The following PAPPA2 variants were observed in gnomAD, a reference collection of about 807,000 sequenced individuals.
PAPPA2 encodes the protein pappalysin-2.
PAPPA2 carries 86 observed loss-of-function variants against 176.4 expected under a neutral mutation model. The ratio of observed to expected loss-of-function variants is 0.49; its 90% CI spans 0.41 to 0.58. The LOEUF is 0.58. Ranked by LOEUF, PAPPA2 falls within the 20% of genes least tolerant of loss-of-function variation. The probability of loss-of-function intolerance (pLI) is 0.00; values close to 1 mark genes in which losing one functional copy is unlikely to be tolerated. For missense variants in PAPPA2, 2,073 were observed against 2,256.9 expected (o/e 0.92, Z 1.65); for synonymous variants, 809 against 852.2 (o/e 0.95, Z 0.88).
intron 7 of PAPPA2, 147 bp from the exon 8 acceptor site, chr1:176,698,953 C>A: frequency 1.0e-6 from 1 of 997,394 alleles, no homozygotes; most frequent in Non-Finnish European, 1.5e-6. Flanking sequence ...CTTACTAGTA[C>A]TTAAGATCTA....
In PAPPA2 at chr1:176,565,052, C is replaced by A. The variant is rs1249022577; in HGVS notation, c.919+7811C>A. On this transcript the variant is annotated intron_variant, in intron 2 of 22. Transcript: ENST00000367662. Reference sequence around the variant, plus strand: ...TGGAATGTATCATACAATGTATGATCTTTTGTGGCTGGCTTCTTTCACTTG... The same window carrying A: ...TGGAATGTATCATACAATGTATGATATTTTGTGGCTGGCTTCTTTCACTTG... Among the ~76,000 whole-genome samples, 4 of 152,146 alleles carry A rather than the reference C, an allele frequency of 2.6e-5. No homozygotes were observed. In the East Asian group the frequency reaches 5.8e-4, roughly 22 times the overall value.
intron 1 of PAPPA2, among the ~76,000 whole-genome samples, chr1:176,485,250 T>G (rs1170265732): frequency 6.6e-6 from 1 of 152,186 alleles, no homozygotes; most frequent in Non-Finnish European, 1.5e-5. Context: ...TCCATCTCAC[T>G]CAGAGTAAAA....
chr1:176,522,835 A>G (rs1363322494), intron 1 of PAPPA2, among the ~76,000 whole-genome samples: 1 of 152,164 alleles, frequency 6.6e-6, no homozygotes, highest in Non-Finnish European at 1.5e-5. Context: ...TCCAACACAG[A>G]GGATCTGCCA....
chr1:176,720,713 A>G (rs559012194), intron 12 of PAPPA2, among the ~76,000 whole-genome samples: 25 of 152,188 alleles, frequency 1.6e-4, no homozygotes, highest in South Asian at 6.2e-4. Context: ...GGTTCACACA[A>G]TTAAGTCTCA....
chr1:176,647,497 C>T (rs550434717), intron 3 of PAPPA2, among the ~76,000 whole-genome samples: 2 of 151,308 alleles, frequency 1.3e-5, no homozygotes, highest in East Asian at 3.9e-4. Context: ...CAGTCCAATG[C>T]CATGAAAAAT....
intron 2 of PAPPA2, among the ~76,000 whole-genome samples, chr1:176,571,766 A>G (rs12139548): frequency 6.6e-6 from 1 of 152,200 alleles, no homozygotes; most frequent in African/African-American, 2.4e-5. Context: ...TCAACTAACT[A>G]TAATATTTTA....
In PAPPA2 at chr1:176,569,655, G is replaced by C. The variant is rs578250205; in HGVS notation, c.919+12414G>C. Among the ~76,000 whole-genome samples, 194 of 152,336 alleles carry C rather than the reference G, an allele frequency of 1.3e-3. 1 individual carries two copies. Among genetic ancestry groups the C allele is most frequent in the African/African-American group, 4.3e-3 (177 of 41,574 alleles). On this transcript the variant is annotated intron_variant, in intron 2 of 22. Coordinates refer to ENST00000367662, the MANE Select transcript of PAPPA2 (RefSeq NM_020318.3). The stretch of plus-strand genomic sequence containing the variant: ...GCCCAGTCATTTCTATTCTAGGCTA[G>C]CTCCCACTGGGCTGTAAGCTGTCTG...
chr1:176,529,639 C>T (rs1649695928), intron 1 of PAPPA2, among the ~76,000 whole-genome samples: 2 of 152,230 alleles, frequency 1.3e-5, no homozygotes, highest in South Asian at 4.1e-4. Context: ...TTGCCACACA[C>T]ACATCTCTTC....
intron 1 of PAPPA2, among the ~76,000 whole-genome samples, chr1:176,478,480 G>A (rs1652240339): frequency 6.6e-6 from 1 of 152,204 alleles, no homozygotes; most frequent in Non-Finnish European, 1.5e-5. Context: ...ACCTACTGAT[G>A]TCATGAGGAC....
At chr1:176,815,929 A>G (rs1162521623) in intron 21 of PAPPA2, among the ~76,000 whole-genome samples, 1 of 151,950 alleles carries the variant, frequency 6.6e-6, no homozygotes, top group Non-Finnish European at 1.5e-5. Flanking sequence ...CGTTTGTCTC[A>G]GGTGAGTCTC....
chr1:176,591,695 A>G (rs1394943459), intron 2 of PAPPA2, among the ~76,000 whole-genome samples: 1 of 152,172 alleles, frequency 6.6e-6, no homozygotes, highest in Non-Finnish European at 1.5e-5. Context: ...CTGTGCACTT[A>G]TTCATAACAG....
chr1:176,728,706 G>A (rs1396233018), intron 12 of PAPPA2, among the ~76,000 whole-genome samples: 4 of 151,776 alleles, frequency 2.6e-5, no homozygotes, highest in Non-Finnish European at 1.5e-5. Flanking sequence ...AGTAATGGAG[G>A]CCTGGCCTTA....
At position 176,569,073 on chromosome 1, in the gene PAPPA2, C is replaced by T. The variant is rs947198349; in HGVS notation, c.919+11832C>T. On this transcript the variant is annotated intron_variant, in intron 2 of 22. Transcript: ENST00000367662. The stretch of plus-strand genomic sequence containing the variant: ...ATACTCATGTGTACACATGCATGCA[C>T]ATATATACAAGCACACTCACACAAA... Among the ~76,000 whole-genome samples the T allele has an allele frequency of 1.2e-4, 18 of 152,310 alleles. No individual in the cohort carries two copies. The East Asian group carries it at 3.5e-3, about 29-fold the overall frequency.
At chr1:176,545,864 A>G (rs1314401855) in intron 1 of PAPPA2, among the ~76,000 whole-genome samples, 1 of 152,116 alleles carries the variant, frequency 6.6e-6, no homozygotes, top group Non-Finnish European at 1.5e-5. Flanking sequence ...CAAATTATTG[A>G]GTCTCAGTTG....
intron 1 of PAPPA2, among the ~76,000 whole-genome samples, chr1:176,494,742 A>T (rs745337597): frequency 6.6e-6 from 1 of 152,174 alleles, no homozygotes; most frequent in Non-Finnish European, 1.5e-5. Context: ...CTCTGCACAC[A>T]CTGGGAGCTG....
At chr1:176,758,626 CT>C (rs1430954992) in intron 14 of PAPPA2, among the ~76,000 whole-genome samples, 1 of 152,122 alleles carries the variant, frequency 6.6e-6, no homozygotes, top group African/African-American at 2.4e-5. Flanking sequence ...TCCTCTTTTA[CT>C]ACTTAACCTT....
intron 3 of PAPPA2, among the ~76,000 whole-genome samples, chr1:176,628,616 T>C (rs1275822615): frequency 6.6e-6 from 1 of 152,260 alleles, no homozygotes; most frequent in Admixed American, 6.5e-5. Context: ...GAATACTTGC[T>C]ACCACCTGAG....
At chr1:176,465,208 G>A (rs1651560684) in intron 1 of PAPPA2, among the ~76,000 whole-genome samples, 1 of 152,178 alleles carries the variant, frequency 6.6e-6, no homozygotes, top group Admixed American at 6.5e-5. Flanking sequence ...ACTTGGATGA[G>A]CATCCCTATA....
intron 4 of PAPPA2, among the ~76,000 whole-genome samples, chr1:176,679,907 T>A (rs879389593): frequency 2.0e-5 from 3 of 152,120 alleles, no homozygotes; most frequent in Non-Finnish European, 4.4e-5. Context: ...CCACTATAGA[T>A]CTCTAAACCT....
Sources: allele counts gnomAD v4.1 joint callset (sites outside exome capture counted in the v4.1 genomes callset), GRCh38; gene constraint gnomAD v4.1.1; transcripts MANE v1.5; gene names NCBI Gene and HGNC (gene_info 2026-07-23, HGNC 2026-07-21).